GPA33: variants seen among roughly 807,000 people sequenced by gnomAD.
GPA33 encodes glycoprotein A33.
In GPA33, 27 loss-of-function variants were observed where a neutral mutation model predicts 35.6. The observed-to-expected ratio is 0.76, with a 90% confidence interval of 0.56 to 1.04. The LOEUF (loss-of-function observed/expected upper bound fraction) is 1.04. Among genes scored for constraint, GPA33 ranks in the 50% least tolerant of loss-of-function variants. The pLI is 0.00. For synonymous variants in GPA33, 176 were observed against 164.0 expected (o/e 1.07, Z -0.56); for missense variants, 428 against 411.9 (o/e 1.04, Z -0.34).
chr1:167,056,971 T>C (rs1666321020), intron 4 of GPA33, among the ~76,000 whole-genome samples: 1 of 90,522 alleles, frequency 1.1e-5, no homozygotes, highest in Admixed American at 1.1e-4. Context: ...TGGTGTGCAG[T>C]GTGTGATGTG....
intron 1 of GPA33, among the ~76,000 whole-genome samples, chr1:167,081,427 T>C (rs1666944160): frequency 6.6e-6 from 1 of 152,222 alleles, no homozygotes; most frequent in Non-Finnish European, 1.5e-5. Context: ...GGTTGGTTTG[T>C]CCTTCCTCTA....
At chr1:167,068,839 G>A (rs1048920206) in intron 3 of GPA33, 83 bp downstream of exon 3, 6 of 1,026,234 alleles carry the variant, frequency 5.8e-6, no homozygotes, top group Non-Finnish European at 8.9e-6. Context: ...CTCTGGCTTC[G>A]TCTCAACACC....
chr1:167,065,264 C>T (rs570793247), intron 3 of GPA33, among the ~76,000 whole-genome samples: 23 of 152,214 alleles, frequency 1.5e-4, no homozygotes, highest in African/African-American at 4.8e-4. Context: ...TCAGCTGTGA[C>T]GTGAAGGAAG....
intron 4 of GPA33, among the ~76,000 whole-genome samples, chr1:167,062,847 G>A (rs1035009362): frequency 4.6e-5 from 7 of 151,840 alleles, no homozygotes; most frequent in Non-Finnish European, 1.0e-4. Context: ...GGTCCGTGAC[G>A]GCTGAGAGGG....
At chr1:167,065,318 C>T (rs944466090) in intron 3 of GPA33, among the ~76,000 whole-genome samples, 1 of 152,052 alleles carries the variant, frequency 6.6e-6, no homozygotes, top group Non-Finnish European at 1.5e-5. Context: ...GAGTGGTGGT[C>T]GGAGAAAGAG....
intron 3 of GPA33, 63 bp from the exon 4 acceptor site, chr1:167,063,800 C>G: frequency 2.4e-6 from 3 of 1,260,368 alleles, no homozygotes; most frequent in Non-Finnish European, 3.4e-6. Flanking sequence ...CAGCCACCCA[C>G]CCCTCCCCAC....
intron 4 of GPA33, among the ~76,000 whole-genome samples, chr1:167,061,431 A>G (rs1666438291): frequency 6.6e-6 from 1 of 152,114 alleles, no homozygotes; most frequent in South Asian, 2.1e-4. Flanking sequence ...GAGGCCACAG[A>G]GCCCCCGGGG....
At position 167,052,934 on chromosome 1, in the gene GPA33, G is replaced by T. The variant is rs996257034; in HGVS notation, c.*1400C>A. ...AAAAATATACATTTTTTAAAAAATCGCAAGTAGACAATAGATTTATGGAAT... is the reference window on the plus strand; with the variant it reads ...AAAAATATACATTTTTTAAAAAATCTCAAGTAGACAATAGATTTATGGAAT... On this transcript the variant is annotated 3_prime_UTR_variant, in exon 7 of 7. Transcript: ENST00000367868. 6.6e-6 allele frequency: 1 copy of T among 152,088 alleles called. No homozygotes were observed. Among genetic ancestry groups the T allele is most frequent in the Admixed American group, 6.5e-5 (1 of 15,272 alleles). 9.4% of individuals were successfully genotyped at this position (152,088 alleles called of 1,614,324 possible).
Position 167,090,234 on chromosome 1 carries a change from G to T in GPA33, c.43+11C>A, listed in dbSNP as rs1285661397. 1.9e-6 allele frequency: 3 copies of T among 1,606,180 alleles called. No individual in the cohort carries two copies. The highest frequency in any genetic ancestry group is 2.6e-6 in the Non-Finnish European group (3 of 1,172,810). On this transcript the variant is annotated intron_variant, in intron 1 of 6. Transcript: ENST00000367868. ...ACCCCTGGGCACTGGAGAGAAAAGG[G>T]GCCTACTCACCTGCACAGAGTGTCC...
chr1:167,056,989 T>C (rs1666321679), intron 4 of GPA33, among the ~76,000 whole-genome samples: 2 of 120,820 alleles, frequency 1.7e-5, no homozygotes. Context: ...GTGTGGTGTG[T>C]GGTGGGTGTA....
intron 1 of GPA33, among the ~76,000 whole-genome samples, chr1:167,085,085 C>A (rs926736909): frequency 6.6e-6 from 1 of 152,096 alleles, no homozygotes; most frequent in Non-Finnish European, 1.5e-5. Flanking sequence ...GACAATAGCT[C>A]AGGAGAGATG....
chr1:167,085,725 AGGGAATTG>A (rs2102205675), intron 1 of GPA33, among the ~76,000 whole-genome samples: 1 of 152,352 alleles, frequency 6.6e-6, no homozygotes, highest in East Asian at 1.9e-4. Flanking sequence ...CCCTAAATTG[AGGGAATTG>A]GACAGTAACC....
At position 167,076,674 on chromosome 1, in the gene GPA33, C is replaced by T. The variant is rs945571716; in HGVS notation, c.44-3135G>A. Among the ~76,000 whole-genome samples, 2 of 152,042 alleles carry T rather than the reference C, an allele frequency of 1.3e-5. 1 individual carries two copies. Among genetic ancestry groups the T allele is most frequent in the Non-Finnish European group, 2.9e-5 (2 of 67,992 alleles). ...GCTCCTGGGGTGAGTTTATAATATC[C>T]GGGAGTATTGGATATTGGGAATGAG... On this transcript the variant is annotated intron_variant, in intron 1 of 6. Transcript: ENST00000367868.
At chr1:167,062,833 C>T (rs899332197) in intron 4 of GPA33, among the ~76,000 whole-genome samples, 7 of 151,534 alleles carry the variant, frequency 4.6e-5, no homozygotes, top group African/African-American at 7.3e-5. Context: ...TCTGGGGCAG[C>T]GGGGGTCCGT....
intron 1 of GPA33, among the ~76,000 whole-genome samples, chr1:167,085,583 C>T (rs1040153335): frequency 6.6e-6 from 1 of 152,186 alleles, no homozygotes; most frequent in Non-Finnish European, 1.5e-5. Flanking sequence ...CCAGGAGTAT[C>T]ATCCCCTGGG....
chr1:167,073,295 A>T, intron 2 of GPA33, 90 bp downstream of exon 2: 1 of 1,107,330 alleles, frequency 9.0e-7, no homozygotes, highest in Non-Finnish European at 1.3e-6. Flanking sequence ...TCTACCATTT[A>T]TGGAAAGACT....
intron 3 of GPA33, among the ~76,000 whole-genome samples, chr1:167,067,896 A>G (rs1303907039): frequency 6.6e-6 from 1 of 152,126 alleles, no homozygotes; most frequent in Non-Finnish European, 1.5e-5. Flanking sequence ...TTGAAAGGAC[A>G]TGAGGAAAAT....
At chr1:167,076,274 C>T (rs1009680707) in intron 1 of GPA33, among the ~76,000 whole-genome samples, 4 of 151,972 alleles carry the variant, frequency 2.6e-5, no homozygotes, top group Admixed American at 2.6e-4. Flanking sequence ...GCTGGGGGTA[C>T]GGTGTTATGG....
chr1:167,074,714 G>A (rs966491272), intron 1 of GPA33, among the ~76,000 whole-genome samples: 1 of 151,770 alleles, frequency 6.6e-6, no homozygotes, highest in Non-Finnish European at 1.5e-5. Context: ...CTACGCACAA[G>A]GAACAGCAAG....
Sources: allele counts gnomAD v4.1 joint callset (sites outside exome capture counted in the v4.1 genomes callset), GRCh38; gene constraint gnomAD v4.1.1; transcripts MANE v1.5; gene names NCBI Gene and HGNC (gene_info 2026-07-23, HGNC 2026-07-21).